PARD3B: variants seen among roughly 807,000 people sequenced by gnomAD.
PARD3B encodes par-3 family cell polarity regulator beta, also known as partitioning defective 3 homolog B.
In PARD3B, 103 loss-of-function variants were observed where a neutral mutation model predicts 130.2. That is an observed-to-expected ratio of 0.79 (90% confidence interval 0.67 to 0.93). The LOEUF (loss-of-function observed/expected upper bound fraction) is 0.93, where lower values mean the gene tolerates loss of function less well. Ranked by LOEUF, PARD3B falls within the 40% of genes least tolerant of loss-of-function variation. The pLI is 0.00. For synonymous variants in PARD3B, 583 were observed against 553.2 expected, an observed-to-expected ratio of 1.05 and a Z score of -0.76; for missense variants, 1,609 against 1,499.2, an observed-to-expected ratio of 1.07 and a Z score of -1.21.
At chr2:204,645,820 C>G (rs890864322) in intron 1 of PARD3B, among the ~76,000 whole-genome samples, 6 of 152,112 alleles carry the variant, frequency 3.9e-5, no homozygotes, top group Non-Finnish European at 7.4e-5. Flanking sequence ...TCTGTCATGT[C>G]TTCCTTTGCT....
At chr2:204,676,408 G>T (rs2036545878) in intron 1 of PARD3B, among the ~76,000 whole-genome samples, 1 of 151,970 alleles carries the variant, frequency 6.6e-6, no homozygotes, top group South Asian at 2.1e-4. Context: ...CACAGTAACA[G>T]GGGAATCCTG....
Position 205,470,918 on chromosome 2 carries a change from C to G in PARD3B, c.3045-28978C>G, listed in dbSNP as rs897196913. ...ACAAAGTGTGTTTTCAAGTGTTTCA[C>G]GTGTGTTTCAAGTTTAAAACAAAGT... is the stretch of plus-strand genomic sequence containing the variant. On this transcript the variant is annotated intron_variant, in intron 20 of 22. Coordinates refer to ENST00000406610, the MANE Select transcript of PARD3B (RefSeq NM_001302769.2). The surrounding 1 kb of genome is among the most constrained non-coding windows in gnomAD (Gnocchi z 4.8). Among the ~76,000 whole-genome samples the G allele has an allele frequency of 6.6e-6, 1 of 152,180 alleles. No homozygotes were observed. Among genetic ancestry groups the G allele is most frequent in the Non-Finnish European group, 1.5e-5 (1 of 68,032 alleles).
At chr2:205,115,073 C>T (rs1207402610) in intron 6 of PARD3B, among the ~76,000 whole-genome samples, 1 of 152,098 alleles carries the variant, frequency 6.6e-6, no homozygotes, top group Non-Finnish European at 1.5e-5. Flanking sequence ...AGCACAAGAT[C>T]TTCCCAATTT....
chr2:204,681,304 A>G (rs2036821385), intron 1 of PARD3B, among the ~76,000 whole-genome samples: 2 of 152,174 alleles, frequency 1.3e-5, no homozygotes, highest in African/African-American at 4.8e-5. Context: ...TGTATGGACT[A>G]ATTCTCCCTC....
chr2:204,883,445 A>G lies in PARD3B; in HGVS notation c.223-81707A>G, dbSNP rs563453478. Among the ~76,000 whole-genome samples the G allele has an allele frequency of 7.2e-3, 534 of 74,158 alleles. 6 individuals are homozygous for G. Among genetic ancestry groups the G allele is most frequent in the Middle Eastern group, 0.014 (2 of 138 alleles). The allele number at this position is 74,158 out of a possible 152,430, so 48.7% of individuals were successfully genotyped here. On this transcript the variant is annotated intron_variant, in intron 2 of 22. Transcript: ENST00000406610. Reference sequence around the variant, plus strand: ...ATATATATATATAAAATATATATATATATATATATATTTTTTTTTTTGAGA... The same window carrying G: ...ATATATATATATAAAATATATATATGTATATATATATTTTTTTTTTTGAGA...
intron 2 of PARD3B, among the ~76,000 whole-genome samples, chr2:204,695,331 A>T (rs892616089): frequency 5.3e-5 from 8 of 151,944 alleles, no homozygotes; most frequent in Non-Finnish European, 1.0e-4. Context: ...ACCTAAAATT[A>T]TACCAAATGG....
chr2:205,266,092 C>G (rs1040102753), intron 16 of PARD3B, among the ~76,000 whole-genome samples: 1 of 152,002 alleles, frequency 6.6e-6, no homozygotes, highest in Non-Finnish European at 1.5e-5. Context: ...TGTTCTTTGC[C>G]TTTTAGACTT....
At chr2:204,920,504 C>T (rs16824687) in intron 2 of PARD3B, among the ~76,000 whole-genome samples, 1,895 of 152,238 alleles carry the variant, frequency 0.012, 45 homozygotes, top group African/African-American at 0.043. Flanking sequence ...AAGAAGATCT[C>T]AATTGAGGGT....
At chr2:204,936,449 C>T (rs891764832) in intron 2 of PARD3B, among the ~76,000 whole-genome samples, 2 of 152,190 alleles carry the variant, frequency 1.3e-5, no homozygotes, top group Non-Finnish European at 2.9e-5. Flanking sequence ...GGACTGTCTC[C>T]CTACAGCATT....
intron 2 of PARD3B, among the ~76,000 whole-genome samples, chr2:204,939,360 G>T (rs902485629): frequency 6.6e-6 from 1 of 152,136 alleles, no homozygotes; most frequent in Non-Finnish European, 1.5e-5. Flanking sequence ...AATAAAAAAT[G>T]GGTTATATAT....
At chr2:204,611,349 A>G (rs932527459) in intron 1 of PARD3B, among the ~76,000 whole-genome samples, 12 of 152,190 alleles carry the variant, frequency 7.9e-5, no homozygotes, top group Non-Finnish European at 1.2e-4. Context: ...ACCCCTGTCT[A>G]AGAAAGTGGG....
At chr2:204,925,324 ATT>A (rs1687519308) in intron 2 of PARD3B, among the ~76,000 whole-genome samples, 1 of 152,032 alleles carries the variant, frequency 6.6e-6, no homozygotes, top group African/African-American at 2.4e-5. Flanking sequence ...ATCAATTTTT[ATT>A]GTTTTACTGA....
intron 20 of PARD3B, among the ~76,000 whole-genome samples, chr2:205,485,880 A>G (rs897521579): frequency 6.6e-6 from 1 of 152,078 alleles, no homozygotes; most frequent in African/African-American, 2.4e-5. Flanking sequence ...AAGCCAAGTT[A>G]ACACCCTCTG....
In PARD3B at chr2:205,616,939, G is replaced by A. The variant is rs563120406; in HGVS notation, c.*1126G>A. 1.2e-4 allele frequency: 18 copies of A among 154,282 alleles called. No homozygotes were observed. The highest frequency in any genetic ancestry group is 3.4e-4 in the African/African-American group (14 of 41,578). 9.6% of individuals were successfully genotyped at this position (154,282 alleles called of 1,614,324 possible). On this transcript the variant is annotated 3_prime_UTR_variant, in exon 23 of 23. Transcript: ENST00000406610. ...TGTGTGTGTGTGTATGTGTGTGTTC[G>A]AACACATATGATTGCCAGTATGGAG...
chr2:204,594,932 G>A (rs960676224), intron 1 of PARD3B, among the ~76,000 whole-genome samples: 7 of 152,134 alleles, frequency 4.6e-5, no homozygotes, highest in African/African-American at 1.7e-4. Context: ...TTTCACAATT[G>A]CTGTTTCTAA....
intron 21 of PARD3B, among the ~76,000 whole-genome samples, chr2:205,520,753 A>C (rs544965745): frequency 6.6e-6 from 1 of 152,106 alleles, no homozygotes; most frequent in Non-Finnish European, 1.5e-5. Flanking sequence ...TACTATATTT[A>C]AGTCATATTT....
At position 205,124,448 on chromosome 2, in the gene PARD3B, AG is replaced by A; in HGVS notation, c.1291del (p.Asp431ThrfsTer6). On this transcript the variant is annotated frameshift_variant, in exon 9 of 23. Transcript: ENST00000406610. LOFTEE classifies it high-confidence loss of function. ...CAATAAAAGATGGCCGCCTACAATC[AG>A]GGGACAGAATTTTGGAGGTAAGAAT... ...AAIKDGRLQS[G>X]DRILEVNGRD... The A allele has an allele frequency of 6.3e-7, 1 of 1,596,994 alleles. No individual in the cohort carries two copies. The highest frequency in any genetic ancestry group is 8.5e-7 in the Non-Finnish European group (1 of 1,171,586).
intron 2 of PARD3B, among the ~76,000 whole-genome samples, chr2:204,895,071 A>C (rs916771354): frequency 6.6e-6 from 1 of 152,086 alleles, no homozygotes; most frequent in African/African-American, 2.4e-5. Flanking sequence ...AAAACCCCAT[A>C]ATTCAAGTGT....
At chr2:204,655,053 C>G (rs185917057) in intron 1 of PARD3B, among the ~76,000 whole-genome samples, 1 of 152,188 alleles carries the variant, frequency 6.6e-6, no homozygotes, top group Admixed American at 6.5e-5. Context: ...GTCTTGGTTG[C>G]ACACACTGGG....
Sources: allele counts gnomAD v4.1 joint callset (sites outside exome capture counted in the v4.1 genomes callset), GRCh38; gene constraint gnomAD v4.1.1; non-coding constraint Gnocchi (gnomAD v3.1); transcripts MANE v1.5; gene names NCBI Gene and HGNC (gene_info 2026-07-23, HGNC 2026-07-21).